Variants in ANKS1B observed in about 807,000 individuals in gnomAD.
The protein encoded by ANKS1B is ankyrin repeat and sterile alpha motif domain-containing protein 1B.
A neutral mutation model predicts 148.3 loss-of-function variants in ANKS1B; 36 were observed. That is an observed-to-expected ratio of 0.24 (90% CI 0.19 to 0.32). The LOEUF (loss-of-function observed/expected upper bound fraction) is 0.32. Ranked by LOEUF, ANKS1B falls within the 10% of genes least tolerant of loss-of-function variation. The pLI is 1.00. For synonymous variants in ANKS1B, 542 were observed against 560.8 expected (o/e 0.97, Z 0.47); for missense variants, 1,157 against 1,542.6 (o/e 0.75, Z 4.19).
At chr12:99,935,285 G>A (rs1002180603) in intron 1 of ANKS1B, among the ~76,000 whole-genome samples, 6 of 149,138 alleles carry the variant, frequency 4.0e-5, no homozygotes, top group Middle Eastern at 3.2e-3. Context: ...GGGATGGGGC[G>A]TGTTTAGAAA....
At chr12:99,003,977 G>A (rs577730566) in intron 17 of ANKS1B, among the ~76,000 whole-genome samples, 7 of 152,352 alleles carry the variant, frequency 4.6e-5, no homozygotes, top group Admixed American at 1.3e-4. Flanking sequence ...GAAAGCTGGC[G>A]AAGGATTCTG....
intron 11 of ANKS1B, among the ~76,000 whole-genome samples, chr12:99,422,894 G>A (rs1195903287): frequency 2.0e-5 from 3 of 152,184 alleles, no homozygotes; most frequent in Non-Finnish European, 4.4e-5. Context: ...GGAATTTAGA[G>A]AATGTGTGAA....
chr12:98,807,979 T>C (rs370912974), intron 19 of ANKS1B, 61 bp from the exon 20 acceptor site: 21 of 1,316,858 alleles, frequency 1.6e-5, no homozygotes, highest in Non-Finnish European at 2.0e-5. Context: ...GCTACCAAGG[T>C]AGCATCCAGG....
At chr12:99,851,194 C>G (rs1229490701) in intron 1 of ANKS1B, among the ~76,000 whole-genome samples, 1 of 152,084 alleles carries the variant, frequency 6.6e-6, no homozygotes, top group African/African-American at 2.4e-5. Context: ...CAGAAAATCA[C>G]TATGTTGGTT....
At chr12:99,826,437 C>G (rs1259748868) in intron 1 of ANKS1B, among the ~76,000 whole-genome samples, 1 of 152,080 alleles carries the variant, frequency 6.6e-6, no homozygotes, top group Non-Finnish European at 1.5e-5. Flanking sequence ...ATGGAATGTG[C>G]TTATTTGACA....
At chr12:99,760,923 T>C (rs2062034812) in intron 8 of ANKS1B, among the ~76,000 whole-genome samples, 2 of 150,340 alleles carry the variant, frequency 1.3e-5, no homozygotes, top group South Asian at 2.1e-4. Flanking sequence ...ACACCATATA[T>C]ATACAAACTA....
chr12:99,270,890 A>C (rs2076966643), intron 12 of ANKS1B, among the ~76,000 whole-genome samples: 1 of 152,254 alleles, frequency 6.6e-6, no homozygotes, highest in Non-Finnish European at 1.5e-5. Flanking sequence ...GCGTTAAAAC[A>C]AACCATCAAT....
chr12:99,289,629 A>G (rs1416638664), intron 12 of ANKS1B, among the ~76,000 whole-genome samples: 1 of 152,086 alleles, frequency 6.6e-6, no homozygotes, highest in African/African-American at 2.4e-5. Context: ...GTTAGAAACT[A>G]TACAAACACA....
At chr12:98,873,978 G>A (rs1053588115) in intron 17 of ANKS1B, among the ~76,000 whole-genome samples, 12 of 152,146 alleles carry the variant, frequency 7.9e-5, no homozygotes, top group South Asian at 2.1e-4. Context: ...CAAGTTAGGT[G>A]GTGATGATGG....
intron 1 of ANKS1B, among the ~76,000 whole-genome samples, chr12:99,878,919 A>AT (rs2092309487): frequency 6.6e-6 from 1 of 151,670 alleles, no homozygotes; most frequent in South Asian, 2.1e-4. Context: ...TTTTCCTGAC[A>AT]GTCTTTCTTC....
chr12:98,953,843 T>C (rs1461262155), intron 17 of ANKS1B, among the ~76,000 whole-genome samples: 2 of 152,194 alleles, frequency 1.3e-5, no homozygotes, highest in Admixed American at 6.5e-5. Context: ...GCATCTTACA[T>C]GGCCTTGCTT....
At chr12:99,907,372 C>T (rs2093822550) in intron 1 of ANKS1B, among the ~76,000 whole-genome samples, 1 of 152,174 alleles carries the variant, frequency 6.6e-6, no homozygotes, top group South Asian at 2.1e-4. Context: ...CTAAATATGC[C>T]AGGCATGTTC....
At chr12:99,267,065 T>TC (rs1410948811) in intron 12 of ANKS1B, among the ~76,000 whole-genome samples, 2 of 152,182 alleles carry the variant, frequency 1.3e-5, no homozygotes, top group African/African-American at 4.8e-5. Context: ...TGATTGCAAC[T>TC]CCAAGGAGTT....
chr12:99,739,541 G>A (rs144220921), intron 8 of ANKS1B, among the ~76,000 whole-genome samples: 2 of 152,042 alleles, frequency 1.3e-5, no homozygotes, highest in Admixed American at 6.6e-5. Flanking sequence ...ACAGGCCTTC[G>A]TAGAATTTTG....
In ANKS1B at chr12:99,781,063, C is replaced by CAAAAAAAAAAA. The variant is rs35901124; in HGVS notation, c.745+948_745+958dup. Among the ~76,000 whole-genome samples the CAAAAAAAAAAA allele has an allele frequency of 1.2e-4, 14 of 120,234 alleles. 4 individuals carry two copies. Among genetic ancestry groups the CAAAAAAAAAAA allele is most frequent in the Non-Finnish European group, 2.1e-4 (12 of 57,472 alleles). The allele number at this position is 120,234 out of a possible 152,430, so 78.9% of individuals were successfully genotyped here. A position where few individuals can be genotyped will look rare whatever the true frequency, so the allele number is the denominator to read the frequency against. ...TATGAATTTTCCAAACACATAATTG[C>CAAAAAAAAAAA]AAAAAAAAAAAAAAAAGCCAGTTTA... is the stretch of plus-strand genomic sequence containing the variant. On this transcript the variant is annotated intron_variant, in intron 5 of 26. Coordinates refer to ENST00000683438, the MANE Select transcript of ANKS1B (RefSeq NM_001352186.2).
chr12:99,878,284 T>G (rs1384861979), intron 1 of ANKS1B, among the ~76,000 whole-genome samples: 1 of 152,156 alleles, frequency 6.6e-6, no homozygotes, highest in Non-Finnish European at 1.5e-5. Flanking sequence ...CCACTTACAT[T>G]TTATGGGCCA....
intron 8 of ANKS1B, among the ~76,000 whole-genome samples, chr12:99,699,616 C>T (rs1461272062): frequency 6.6e-6 from 1 of 152,130 alleles, no homozygotes; most frequent in Non-Finnish European, 1.5e-5. Context: ...TATCCCGTAA[C>T]TTCTGGTCAA....
intron 12 of ANKS1B, among the ~76,000 whole-genome samples, chr12:99,262,772 T>A (rs561469574): frequency 6.6e-6 from 1 of 152,268 alleles, no homozygotes; most frequent in African/African-American, 2.4e-5. Context: ...ATTTGTATCA[T>A]ATCAATCCTT....
intron 15 of ANKS1B, among the ~76,000 whole-genome samples, chr12:99,110,186 G>C (rs887983976): frequency 1.2e-4 from 19 of 152,176 alleles, no homozygotes; most frequent in African/African-American, 4.6e-4. Flanking sequence ...TTGTAAGATA[G>C]ATGAGAAACT....
Sources: allele counts gnomAD v4.1 joint callset (sites outside exome capture counted in the v4.1 genomes callset), GRCh38; gene constraint gnomAD v4.1.1; transcripts MANE v1.5; gene names NCBI Gene and HGNC (gene_info 2026-07-23, HGNC 2026-07-21).